Variants in PCDHA11 observed in about 807,000 individuals in gnomAD.
PCDHA11 encodes protocadherin alpha 11, also known as protocadherin alpha-11.
Under a neutral mutation model 70.3 loss-of-function variants are expected in PCDHA11, and 61 were observed. The ratio of observed to expected loss-of-function variants is 0.87; its 90% CI spans 0.71 to 1.07. The LOEUF (loss-of-function observed/expected upper bound fraction) is 1.07, where lower values mean the gene tolerates loss of function less well. Ranked by LOEUF, PCDHA11 falls within the 50% of genes least tolerant of loss-of-function variation. The pLI, the probability that PCDHA11 is intolerant of heterozygous loss-of-function variation, is 0.00. For synonymous variants in PCDHA11, 633 were observed against 555.1 expected, an observed-to-expected ratio of 1.14 and a Z score of -1.97; for missense variants, 1,324 against 1,237.5, an observed-to-expected ratio of 1.07 and a Z score of -1.05.
At position 140,997,438 on chromosome 5, in the gene PCDHA11, A is replaced by G. The variant is rs182158337; in HGVS notation, c.2540-12189A>G. ...CTCCTAGGCTACAAACCTGTATATC[A>G]TGTTACTATACTGAATACTGTAGGC... On this transcript the variant is annotated intron_variant, in intron 3 of 3. Transcript: ENST00000398640. Among the ~76,000 whole-genome samples, 274 of 152,308 alleles carry G rather than the reference A, an allele frequency of 1.8e-3. 2 individuals are homozygous for G. The highest frequency in any genetic ancestry group is 6.0e-3 in the African/African-American group (248 of 41,560).
At chr5:140,882,212 G>A in intron 1 of PCDHA11, 1 of 1,539,436 alleles carries the variant, frequency 6.5e-7, no homozygotes. Context: ...TTGAGAGACA[G>A]TTTGAGGTAA....
At chr5:140,902,071 T>G (rs1288333473) in intron 1 of PCDHA11, among the ~76,000 whole-genome samples, 1 of 152,186 alleles carries the variant, frequency 6.6e-6, no homozygotes, top group African/African-American at 2.4e-5. Flanking sequence ...TTTACTGAAT[T>G]TATTGTTTTA....
chr5:140,919,239 C>G (rs2079049864), intron 1 of PCDHA11, among the ~76,000 whole-genome samples: 1 of 152,188 alleles, frequency 6.6e-6, no homozygotes, highest in Non-Finnish European at 1.5e-5. Context: ...CACTTTTTGT[C>G]TTGTCTGTTT....
chr5:140,941,245 TTCTTTCTTTC>T (rs1379125224), intron 1 of PCDHA11, among the ~76,000 whole-genome samples: 44 of 140,720 alleles, frequency 3.1e-4, no homozygotes, highest in Middle Eastern at 3.3e-3. Context: ...CTTTCTTTCT[TTCTTTCTTTC>T]TCTTTCTTTC....
At chr5:140,947,371 A>G (rs1468768080) in intron 1 of PCDHA11, among the ~76,000 whole-genome samples, 1 of 151,626 alleles carries the variant, frequency 6.6e-6, no homozygotes, top group Non-Finnish European at 1.5e-5. Context: ...CCTTTGATCT[A>G]TATGTTTATC....
At chr5:140,901,697 C>T (rs57431111) in intron 1 of PCDHA11, among the ~76,000 whole-genome samples, 1,867 of 152,140 alleles carry the variant, frequency 0.012, 40 homozygotes, top group African/African-American at 0.043. Context: ...TTTTGTAGTT[C>T]TATATACATT....
intron 1 of PCDHA11, among the ~76,000 whole-genome samples, chr5:140,886,851 AG>A (rs2061199020): frequency 6.6e-6 from 1 of 151,608 alleles, no homozygotes; most frequent in South Asian, 2.1e-4. Context: ...AAAAAAAGAA[AG>A]GTCTTCCCAA....
intron 1 of PCDHA11, chr5:140,926,951 G>T (rs1554203848): frequency 1.9e-6 from 3 of 1,596,266 alleles, no homozygotes; most frequent in Middle Eastern, 1.7e-4. Context: ...GCTGCAGCGG[G>T]ACAGCTCGAG....
chr5:140,912,381 A>G (rs1554195316), intron 1 of PCDHA11, among the ~76,000 whole-genome samples: 2 of 150,140 alleles, frequency 1.3e-5, no homozygotes, highest in African/African-American at 4.9e-5. Context: ...AAAGGGATTG[A>G]GTTCTTAATT....
intron 2 of PCDHA11, 36 bp downstream of exon 2, chr5:140,979,043 C>G: frequency 6.2e-7 from 1 of 1,612,500 alleles, no homozygotes. Context: ...CAGAAGTAAC[C>G]TTAACTTGGT....
intron 1 of PCDHA11, among the ~76,000 whole-genome samples, chr5:140,872,251 T>C (rs557937835): frequency 3.3e-5 from 5 of 152,196 alleles, no homozygotes; most frequent in Non-Finnish European, 7.3e-5. Flanking sequence ...CCTGTGATAA[T>C]ACTTGTTTTC....
chr5:140,933,865 A>G (rs918877939), intron 1 of PCDHA11, among the ~76,000 whole-genome samples: 14 of 151,864 alleles, frequency 9.2e-5, no homozygotes, highest in African/African-American at 1.4e-4. Flanking sequence ...TTTTTCAGAT[A>G]TATGTTAGTT....
At chr5:140,945,001 G>A (rs2093722890) in intron 1 of PCDHA11, among the ~76,000 whole-genome samples, 1 of 151,990 alleles carries the variant, frequency 6.6e-6, no homozygotes, top group African/African-American at 2.4e-5. Context: ...ACGGTTGTGG[G>A]TCATGAATTA....
chr5:140,989,681 A>C (rs1428237884), intron 3 of PCDHA11, among the ~76,000 whole-genome samples: 1 of 152,250 alleles, frequency 6.6e-6, no homozygotes, highest in Non-Finnish European at 1.5e-5. Flanking sequence ...CAGATTTCAA[A>C]GGAACGTGAA....
At chr5:140,943,063 C>T (rs1461337774) in intron 1 of PCDHA11, among the ~76,000 whole-genome samples, 1 of 151,748 alleles carries the variant, frequency 6.6e-6, no homozygotes, top group Admixed American at 6.6e-5. Context: ...TCAAGAACAG[C>T]CTGACCAACA....
At chr5:140,915,831 G>T (rs1326644343) in intron 1 of PCDHA11, among the ~76,000 whole-genome samples, 1 of 152,168 alleles carries the variant, frequency 6.6e-6, no homozygotes, top group Non-Finnish European at 1.5e-5. Flanking sequence ...AGGGCTCTAA[G>T]ATCAGCAGGG....
chr5:140,927,265 C>G lies in PCDHA11; in HGVS notation c.2392-51684C>G, dbSNP rs2084026948. The G allele has an allele frequency of 6.2e-7, 1 of 1,614,168 alleles. No individual in the cohort carries two copies. Among genetic ancestry groups the G allele is most frequent in the Non-Finnish European group, 8.5e-7 (1 of 1,180,038 alleles). On this transcript the variant is annotated intron_variant, in intron 1 of 3. Coordinates refer to ENST00000398640, the MANE Select transcript of PCDHA11 (RefSeq NM_018902.5). ...CACCAATGACAACTCACCTCTCTTTCCTGCCGGCGACGTGCAGCTGCACAT... is the reference window on the plus strand; with the variant it reads ...CACCAATGACAACTCACCTCTCTTTGCTGCCGGCGACGTGCAGCTGCACAT...
intron 3 of PCDHA11, among the ~76,000 whole-genome samples, chr5:141,009,142 G>T (rs1374390797): frequency 2.0e-5 from 3 of 152,204 alleles, no homozygotes; most frequent in Non-Finnish European, 4.4e-5. Context: ...GAAAAAACCT[G>T]CCCTCTTGCT....
At chr5:140,932,810 A>G (rs925757508) in intron 1 of PCDHA11, among the ~76,000 whole-genome samples, 1 of 151,958 alleles carries the variant, frequency 6.6e-6, no homozygotes, top group Non-Finnish European at 1.5e-5. Flanking sequence ...CCTTGGAAAC[A>G]TATAAGTGGG....
Sources: allele counts gnomAD v4.1 joint callset (sites outside exome capture counted in the v4.1 genomes callset), GRCh38; gene constraint gnomAD v4.1.1; transcripts MANE v1.5; gene names NCBI Gene and HGNC (gene_info 2026-07-23, HGNC 2026-07-21).